Variants in SOD2 observed in about 807,000 individuals in gnomAD.
The protein encoded by SOD2 is superoxide dismutase 2.
SOD2 carries 11 observed loss-of-function variants against 27.0 expected under a neutral mutation model. The ratio of observed to expected loss-of-function variants is 0.41; its 90% CI spans 0.26 to 0.67. SOD2 has a LOEUF of 0.67. Ranked by LOEUF, SOD2 falls within the 30% of genes least tolerant of loss-of-function variation. The pLI is 0.34. For synonymous variants in SOD2, 105 were observed against 103.0 expected (o/e 1.02, Z -0.12); for missense variants, 250 against 274.5 (o/e 0.91, Z 0.63).
upstream of SOD2, among the ~76,000 whole-genome samples, chr6:159,728,579 T>A (rs918324434): frequency 6.6e-6 from 1 of 152,236 alleles, no homozygotes; most frequent in Admixed American, 6.5e-5. Flanking sequence ...AAGTTCTCGT[T>A]TTTTGGATTT....
chr6:159,697,307 G>C (rs911854370), upstream of SOD2, among the ~76,000 whole-genome samples: 2 of 151,226 alleles, frequency 1.3e-5, no homozygotes, highest in African/African-American at 4.9e-5. Flanking sequence ...TTTAAAATTT[G>C]GGGTCACAAA....
chr6:159,743,531 G>A lies in SOD2; in HGVS notation c.-116+1599C>T, dbSNP rs901162616. The A allele has an allele frequency of 5.6e-5, 45 of 800,546 alleles. 1 individual carries two copies. In the South Asian group the frequency reaches 7.0e-4, roughly 13 times the overall value. The allele number at this position is 800,546 out of a possible 1,614,324, so 49.6% of individuals were successfully genotyped here. A position where few individuals can be genotyped will look rare whatever the true frequency, so the allele number is the denominator to read the frequency against. The stretch of plus-strand genomic sequence containing the variant: ...AGCTCTCGTGACCAGGAAGAAATTC[G>A]CCTGTTATAAAAGTAGTTAGGATGG... On this transcript the variant is annotated intron_variant, in intron 1 of 3. Coordinates refer to the SOD2 transcript ENST00000537657.
intron 2 of SOD2, chr6:159,690,780 C>T (rs1780424280): frequency 6.6e-6 from 1 of 152,086 alleles, no homozygotes; most frequent in Non-Finnish European, 1.5e-5. Flanking sequence ...ATCTTAACAT[C>T]TTACAGTTTG....
upstream of SOD2, among the ~76,000 whole-genome samples, chr6:159,747,412 G>A (rs2114942518): frequency 6.6e-6 from 1 of 152,240 alleles, no homozygotes; most frequent in African/African-American, 2.4e-5. Flanking sequence ...CTCAAAATAA[G>A]CAGTTTGGAT....
Position 159,692,772 on chromosome 6 carries a change from C to T in SOD2, c.115G>A (p.Glu39Lys), listed in dbSNP as rs1050822396. Reference sequence around the variant, plus strand: ...ATGATCTGCGCGTTGATGTGAGGTTCCAGGGCGCCGTAGTCGTAGGGCAGG... The same window carrying T: ...ATGATCTGCGCGTTGATGTGAGGTTTCAGGGCGCCGTAGTCGTAGGGCAGG... ...PDLPYDYGAL[E>K]PHINAQIMQL... The change falls in exon 2 of 5, where the codon GAA (glutamate) becomes AAA (lysine). Residue 39 changes from glutamate to lysine, a missense_variant. Physicochemically the swap from Glu to Lys is moderately conservative, Grantham distance 56. Transcript: ENST00000538183. The T allele has an allele frequency of 6.2e-7, 1 of 1,614,030 alleles. No individual in the cohort carries two copies. Among genetic ancestry groups the T allele is most frequent in the African/African-American group, 1.3e-5 (1 of 74,920 alleles).
intron 1 of SOD2, among the ~76,000 whole-genome samples, chr6:159,709,506 A>G (rs1029917221): frequency 4.6e-5 from 7 of 152,238 alleles, no homozygotes; most frequent in African/African-American, 1.2e-4. Flanking sequence ...TCCAACAGAC[A>G]CATGAAAAAA....
chr6:159,715,836 G>C (rs973557110), intron 1 of SOD2, among the ~76,000 whole-genome samples: 3 of 151,896 alleles, frequency 2.0e-5, no homozygotes, highest in African/African-American at 7.3e-5. Flanking sequence ...GGAGGTGCAG[G>C]CTGCAGTGAA....
At chr6:159,706,714 C>G (rs2114814606) in intron 1 of SOD2, among the ~76,000 whole-genome samples, 1 of 152,216 alleles carries the variant, frequency 6.6e-6, no homozygotes, top group Admixed American at 6.5e-5. Context: ...ATCAACGAGA[C>G]AGAAAGTTAA....
At chr6:159,733,252 C>T (rs919243285) in intron 1 of SOD2, among the ~76,000 whole-genome samples, 4 of 152,120 alleles carry the variant, frequency 2.6e-5, no homozygotes, top group Non-Finnish European at 5.9e-5. Flanking sequence ...CTCAGTGAAA[C>T]AGACTGTATA....
Position 159,679,752 on chromosome 6 carries a change from C to T in SOD2, c.*2741G>A, listed in dbSNP as rs1018334646. ...ATACTTGTTCTTTTCAGAAGAAAAG[C>T]AATTTTACCTTTTCTATTTCTATTA... On this transcript the variant is annotated 3_prime_UTR_variant, in exon 5 of 5. Transcript: ENST00000538183. 22 of 152,152 alleles carry T rather than the reference C, an allele frequency of 1.4e-4. No homozygotes were observed. Among genetic ancestry groups the T allele is most frequent in the African/African-American group, 4.8e-4 (20 of 41,428 alleles). 9.4% of individuals were successfully genotyped at this position (152,152 alleles called of 1,614,324 possible).
rs11429489 is a variant in SOD2 at position 159,690,284 on chromosome 6, CAAAAAAAA to C, written c.227-2050_227-2043del. ...CCTGCGGGACAGACTGAGATTCCGT[CAAAAAAAA>C]AAAAAAAAAAAAAAGTATGTCTGAC... On this transcript the variant is annotated intron_variant, in intron 2 of 4. Coordinates refer to ENST00000538183, the MANE Select transcript of SOD2 (RefSeq NM_000636.4). 1.3e-4 allele frequency among the ~76,000 whole-genome samples: 9 copies of C among 67,038 alleles called. No individual in the cohort carries two copies. In the South Asian group the frequency reaches 3.1e-3, roughly 23 times the overall value. The allele number at this position is 67,038 out of a possible 152,430, so 44.0% of individuals were successfully genotyped here.
intron 1 of SOD2, chr6:159,753,352 C>A: frequency 6.9e-7 from 1 of 1,450,912 alleles, no homozygotes; most frequent in Non-Finnish European, 9.5e-7. Context: ...GAAGCATCTG[C>A]TGTGATATAG....
chr6:159,749,843 A>G (rs1328426327), upstream of SOD2, among the ~76,000 whole-genome samples: 1 of 152,202 alleles, frequency 6.6e-6, no homozygotes, highest in Non-Finnish European at 1.5e-5. Flanking sequence ...CCAATCCTGG[A>G]GGTGAATTTT....
chr6:159,673,008 T>C lies in SOD2; in HGVS notation c.*9485A>G, dbSNP rs1017864409. On this transcript the variant is annotated 3_prime_UTR_variant, in exon 5 of 5. Transcript: ENST00000538183. ...AGATCAAAAGAGACAAAGAAGGCCA[T>C]TACATGATAGTAAAGGGATCAATTC... 5.3e-5 allele frequency: 8 copies of C among 152,124 alleles called. No homozygotes were observed. Among genetic ancestry groups the C allele is most frequent in the Admixed American group, 4.6e-4 (7 of 15,272 alleles). 9.4% of individuals were successfully genotyped at this position (152,124 alleles called of 1,614,324 possible). A position where few individuals can be genotyped will look rare whatever the true frequency, so the allele number is the denominator to read the frequency against.
chr6:159,672,589 G>A lies in SOD2; in HGVS notation c.*9904C>T, dbSNP rs1408253142. On this transcript the variant is annotated 3_prime_UTR_variant, in exon 5 of 5. Transcript: ENST00000538183. ...GCCTGCCTTACAAGAGCTCCTGAAGGAAGCACTAAACATGGAATGGAACAA... is the reference window on the plus strand; with the variant it reads ...GCCTGCCTTACAAGAGCTCCTGAAGAAAGCACTAAACATGGAATGGAACAA... 3 of 152,180 alleles carry A rather than the reference G, an allele frequency of 2.0e-5. No homozygotes were observed. Among genetic ancestry groups the A allele is most frequent in the Admixed American group, 6.5e-5 (1 of 15,278 alleles). The allele number at this position is 152,180 out of a possible 1,614,324, so 9.4% of individuals were successfully genotyped here. A position where few individuals can be genotyped will look rare whatever the true frequency, so the allele number is the denominator to read the frequency against.
chr6:159,755,517 A>G lies in SOD2; in HGVS notation c.-336+5520T>C, dbSNP rs1464908505. The G allele has an allele frequency of 2.5e-6, 4 of 1,614,080 alleles. No homozygotes were observed. In the African/African-American group the frequency reaches 5.3e-5, roughly 22 times the overall value. ...TCCAGTCATGACCCTCAAGAGGAGA[A>G]AGCAGTGAGTGGGAAAGGTAATCGA... On this transcript the variant is annotated intron_variant, in intron 1 of 7. Transcript: ENST00000546087.
intron 1 of SOD2, among the ~76,000 whole-genome samples, chr6:159,735,438 C>A (rs1401894117): frequency 6.6e-6 from 1 of 152,206 alleles, no homozygotes; most frequent in African/African-American, 2.4e-5. Context: ...CACGCCCAAC[C>A]AGTGTAACAT....
upstream of SOD2, among the ~76,000 whole-genome samples, chr6:159,729,165 G>A (rs1355389365): frequency 1.3e-5 from 2 of 152,192 alleles, no homozygotes; most frequent in African/African-American, 4.8e-5. Flanking sequence ...TTATGGTCTT[G>A]TATGTAGTAT....
chr6:159,717,813 C>A, intron 1 of SOD2, among the ~76,000 whole-genome samples: 1 of 151,902 alleles, frequency 6.6e-6, no homozygotes, highest in Non-Finnish European at 1.5e-5. Flanking sequence ...ACATGCAGTA[C>A]TTCTCTTTCT....
Sources: allele counts gnomAD v4.1 joint callset (sites outside exome capture counted in the v4.1 genomes callset), GRCh38; gene constraint gnomAD v4.1.1; transcripts MANE v1.5; gene names NCBI Gene and HGNC (gene_info 2026-07-23, HGNC 2026-07-21).